Variants in NTN1 observed in about 807,000 individuals in gnomAD.
NTN1 encodes netrin-1.
A neutral mutation model predicts 54.2 loss-of-function variants in NTN1; 11 were observed. The observed-to-expected ratio is 0.20, with a 90% CI of 0.13 to 0.34. The LOEUF (loss-of-function observed/expected upper bound fraction) is 0.34. Among genes scored for constraint, NTN1 ranks in the 10% least tolerant of loss-of-function variants. The pLI is 1.00. For missense variants in NTN1, 740 were observed against 893.1 expected (o/e 0.83, Z 2.18); for synonymous variants, 371 against 382.0 (o/e 0.97, Z 0.33).
intron 6 of NTN1, among the ~76,000 whole-genome samples, chr17:9,231,098 G>T (rs566104219): frequency 9.7e-4 from 147 of 152,210 alleles, no homozygotes; most frequent in Admixed American, 3.1e-3. Flanking sequence ...TTCTCCCGAC[G>T]CAGAGCGCGG....
chr17:9,112,498 C>T (rs757290906), intron 2 of NTN1, among the ~76,000 whole-genome samples: 11 of 152,050 alleles, frequency 7.2e-5, no homozygotes, highest in Non-Finnish European at 1.6e-4. Context: ...CTCGGTGCCA[C>T]GATTTTCACA....
At position 9,221,550 on chromosome 17, in the gene NTN1, T is replaced by C. The variant is rs1597545607; in HGVS notation, c.1486+308T>C. Among the ~76,000 whole-genome samples the C allele has an allele frequency of 1.3e-5, 2 of 152,322 alleles. No homozygotes were observed. The highest frequency in any genetic ancestry group is 4.1e-4 in the South Asian group (2 of 4,822). On this transcript the variant is annotated intron_variant, in intron 6 of 6. Coordinates refer to ENST00000173229, the MANE Select transcript of NTN1 (RefSeq NM_004822.3). The surrounding 1 kb of genome is among the most constrained non-coding windows in gnomAD (Gnocchi z 4.5). ...GCTGTGTGGCCACAGACCAGTGGCT[T>C]TACCTCTGTGGTCTTCTGTGTCTGC...
At chr17:9,025,708 A>G (rs1239675566) in intron 2 of NTN1, among the ~76,000 whole-genome samples, 1 of 152,208 alleles carries the variant, frequency 6.6e-6, no homozygotes, top group Non-Finnish European at 1.5e-5. Flanking sequence ...TGATTTTTCC[A>G]TCATTCTGTA....
intron 6 of NTN1, among the ~76,000 whole-genome samples, chr17:9,231,154 G>C (rs1282348029): frequency 6.6e-6 from 1 of 152,188 alleles, no homozygotes; most frequent in Non-Finnish European, 1.5e-5. Flanking sequence ...CCTGGGATGA[G>C]TGCCTTTGGC....
intron 2 of NTN1, among the ~76,000 whole-genome samples, chr17:9,083,315 C>T (rs537964520): frequency 2.0e-5 from 3 of 152,334 alleles, no homozygotes; most frequent in African/African-American, 4.8e-5. Flanking sequence ...AGGCTGGTCT[C>T]GAACTCCTGA....
chr17:9,113,287 G>A (rs2092198821), intron 2 of NTN1, among the ~76,000 whole-genome samples: 2 of 152,040 alleles, frequency 1.3e-5, no homozygotes, highest in South Asian at 2.1e-4. Flanking sequence ...CTCCCAAAAT[G>A]CTGGGATTAC....
intron 2 of NTN1, among the ~76,000 whole-genome samples, chr17:9,081,386 T>A (rs1334572008): frequency 6.6e-6 from 1 of 152,216 alleles, no homozygotes; most frequent in African/African-American, 2.4e-5. Flanking sequence ...GAGCCCATCT[T>A]AATCTTTGAC....
intron 2 of NTN1, among the ~76,000 whole-genome samples, chr17:9,039,561 G>A (rs1351919716): frequency 6.6e-6 from 1 of 152,024 alleles, no homozygotes; most frequent in Non-Finnish European, 1.5e-5. Flanking sequence ...GTATAACTTG[G>A]TAAGTTTGAC....
intron 3 of NTN1, among the ~76,000 whole-genome samples, chr17:9,163,474 CG>C (rs1567725764): frequency 1.3e-4 from 7 of 52,124 alleles, no homozygotes; most frequent in South Asian, 1.8e-3. Context: ...CACTCCCCCC[CG>C]AAACACACAC....
At chr17:9,022,070 G>A (rs1399186516) in intron 1 of NTN1, among the ~76,000 whole-genome samples, 1 of 152,168 alleles carries the variant, frequency 6.6e-6, no homozygotes, top group African/African-American at 2.4e-5. Flanking sequence ...CGGCGTGGGG[G>A]CGGCGGTGGC....
At chr17:9,034,110 T>G (rs1437128916) in intron 2 of NTN1, among the ~76,000 whole-genome samples, 1 of 151,820 alleles carries the variant, frequency 6.6e-6, no homozygotes, top group East Asian at 1.9e-4. Context: ...CCACCAGGAG[T>G]GTGGACTTGG....
intron 2 of NTN1, among the ~76,000 whole-genome samples, chr17:9,031,839 G>A (rs1291490339): frequency 1.3e-5 from 2 of 152,094 alleles, no homozygotes; most frequent in Non-Finnish European, 2.9e-5. Context: ...GCCCACACCT[G>A]TAATCCTAAC....
chr17:9,038,881 C>G (rs1747312333), intron 2 of NTN1, among the ~76,000 whole-genome samples: 1 of 152,068 alleles, frequency 6.6e-6, no homozygotes, highest in Non-Finnish European at 1.5e-5. Flanking sequence ...CACCTTGTTG[C>G]CAGAACTCGA....
chr17:9,183,752 T>C (rs1345617414), intron 5 of NTN1: 1 of 170,996 alleles, frequency 5.8e-6, no homozygotes, highest in African/African-American at 2.4e-5. Context: ...GACCTGTATA[T>C]TTTATTTTAG....
chr17:9,100,252 AT>A (rs2092145632), intron 2 of NTN1, among the ~76,000 whole-genome samples: 2 of 152,048 alleles, frequency 1.3e-5, no homozygotes, highest in South Asian at 4.1e-4. Flanking sequence ...ACTCTGTGTT[AT>A]TTGGTAACCT....
intron 2 of NTN1, among the ~76,000 whole-genome samples, chr17:9,024,273 G>A (rs1181216278): frequency 6.6e-6 from 1 of 152,190 alleles, no homozygotes; most frequent in Non-Finnish European, 1.5e-5. Context: ...TGCTGCTGCA[G>A]AAGCTCTCAG....
chr17:9,167,342 G>A (rs1013868579), intron 3 of NTN1, among the ~76,000 whole-genome samples: 7 of 152,160 alleles, frequency 4.6e-5, no homozygotes, highest in South Asian at 4.1e-4. Context: ...CAAAGACGAC[G>A]TTGCTATTTA....
intron 6 of NTN1, among the ~76,000 whole-genome samples, chr17:9,234,655 G>A (rs1019475861): frequency 6.6e-6 from 1 of 152,218 alleles, no homozygotes; most frequent in Non-Finnish European, 1.5e-5. Flanking sequence ...AGCCCCCTGG[G>A]AAGAGCGTAC....
At chr17:9,195,031 C>T (rs979219279) in intron 5 of NTN1, among the ~76,000 whole-genome samples, 2 of 152,114 alleles carry the variant, frequency 1.3e-5, no homozygotes, top group Admixed American at 6.5e-5. Context: ...CTGTCTCCCT[C>T]TCTCTCTCCT....
Sources: allele counts gnomAD v4.1 joint callset (sites outside exome capture counted in the v4.1 genomes callset), GRCh38; gene constraint gnomAD v4.1.1; non-coding constraint Gnocchi (gnomAD v3.1); transcripts MANE v1.5; gene names NCBI Gene and HGNC (gene_info 2026-07-23, HGNC 2026-07-21).